The following TENM3 variants were observed in gnomAD, a reference collection of about 807,000 sequenced individuals.
The protein encoded by TENM3 is teneurin-3.
A neutral mutation model predicts 255.1 loss-of-function variants in TENM3; 63 were observed. That is an observed-to-expected ratio of 0.25 (90% CI 0.20 to 0.30). TENM3 has a LOEUF of 0.30. Ranked by LOEUF, TENM3 falls within the 10% of genes least tolerant of loss-of-function variation. The pLI, the probability that TENM3 is intolerant of heterozygous loss-of-function variation, is 1.00. For missense variants in TENM3, 2,929 were observed against 3,461.1 expected, an observed-to-expected ratio of 0.85 and a Z score of 3.86; for synonymous variants, 1,306 against 1,322.3, an observed-to-expected ratio of 0.99 and a Z score of 0.27.
chr4:182,155,585 TC>T (rs1750649482), intron 1 of TENM3, among the ~76,000 whole-genome samples: 1 of 152,190 alleles, frequency 6.6e-6, no homozygotes, highest in Non-Finnish European at 1.5e-5. Flanking sequence ...ACTTTCATAA[TC>T]TTTCATAATT....
chr4:181,505,005 G>T, the TENM3 span, among the ~76,000 whole-genome samples: 1 of 152,164 alleles, frequency 6.6e-6, no homozygotes, highest in African/African-American at 2.4e-5. Flanking sequence ...TCCACAAAAA[G>T]CATTTGGGGT....
the TENM3 span, among the ~76,000 whole-genome samples, chr4:181,682,776 C>T: frequency 2.6e-5 from 4 of 151,896 alleles, no homozygotes; most frequent in Non-Finnish European, 5.9e-5. Flanking sequence ...GCACAAATTC[C>T]AGCCAAACAT....
intron 12 of TENM3, among the ~76,000 whole-genome samples, chr4:182,690,616 G>A (rs1340414503): frequency 2.6e-5 from 4 of 152,270 alleles, no homozygotes; most frequent in Non-Finnish European, 2.9e-5. Context: ...CAACAAACAC[G>A]TGTGTATAGC....
At chr4:181,841,377 G>T in the TENM3 span, among the ~76,000 whole-genome samples, 148 of 152,164 alleles carry the variant, frequency 9.7e-4, 1 homozygote, top group African/African-American at 3.5e-3. Context: ...ATCTTGGAGA[G>T]GTAATTAAAC....
At chr4:181,756,380 T>C in the TENM3 span, among the ~76,000 whole-genome samples, 317 of 152,306 alleles carry the variant, frequency 2.1e-3, 2 homozygotes, top group African/African-American at 7.1e-3. Flanking sequence ...ATAAATCAAT[T>C]TCTTTGCTGA....
At chr4:181,793,859 T>C in the TENM3 span, among the ~76,000 whole-genome samples, 2 of 152,212 alleles carry the variant, frequency 1.3e-5, no homozygotes. Flanking sequence ...TGTTGAGTAT[T>C]TTTCAGTGTT....
At chr4:181,897,275 T>C in the TENM3 span, among the ~76,000 whole-genome samples, 1 of 152,216 alleles carries the variant, frequency 6.6e-6, no homozygotes, top group African/African-American at 2.4e-5. Flanking sequence ...TGGGTCTTAT[T>C]GGCATCTTCC....
the TENM3 span, among the ~76,000 whole-genome samples, chr4:181,780,239 T>A: frequency 6.6e-6 from 1 of 152,202 alleles, no homozygotes; most frequent in African/African-American, 2.4e-5. Context: ...TTGAACTAGT[T>A]TACAGTCCCA....
the TENM3 span, among the ~76,000 whole-genome samples, chr4:182,121,691 G>A: frequency 6.6e-6 from 1 of 152,138 alleles, no homozygotes; most frequent in Non-Finnish European, 1.5e-5. Flanking sequence ...AAGATCATTG[G>A]AGCCTTCAGC....
intron 3 of TENM3, among the ~76,000 whole-genome samples, chr4:182,552,343 A>T (rs538289544): frequency 6.6e-6 from 1 of 152,204 alleles, no homozygotes. Flanking sequence ...TGGAGTTCCA[A>T]TGATTGTCAA....
At position 182,346,783 on chromosome 4, in the gene TENM3, A is replaced by G; in HGVS notation, c.365A>G (p.Asn122Ser). The change falls in exon 3 of 28, where the codon AAT (asparagine) becomes AGT (serine). Residue 122 changes from asparagine to serine, a missense_variant. Asn to Ser is a conservative substitution (Grantham distance 46). Transcript: ENST00000511685. ...ISAGSDADTE[N>S]EAVMSPEHAM... The stretch of plus-strand genomic sequence containing the variant: ...GCAGGGTCAGATGCTGATACTGAAA[A>G]TGAAGCAGTGATGTCCCCAGAGCAT... 6.2e-7 allele frequency: 1 copy of G among 1,613,576 alleles called. No homozygotes were observed. The highest frequency in any genetic ancestry group is 8.5e-7 in the Non-Finnish European group (1 of 1,179,774).
chr4:182,697,585 C>T (rs1486553963), intron 12 of TENM3, among the ~76,000 whole-genome samples: 2 of 152,106 alleles, frequency 1.3e-5, no homozygotes, highest in African/African-American at 4.8e-5. Context: ...ATGGAAAGCC[C>T]CCTTCAGAAC....
At chr4:182,132,566 G>C in the TENM3 span, among the ~76,000 whole-genome samples, 25 of 152,230 alleles carry the variant, frequency 1.6e-4, no homozygotes, top group Non-Finnish European at 3.2e-4. Context: ...GATGAGTAAA[G>C]TTGCTTGGAA....
chr4:182,723,301 T>C (rs1759901041), intron 13 of TENM3, among the ~76,000 whole-genome samples: 2 of 152,142 alleles, frequency 1.3e-5, no homozygotes, highest in South Asian at 4.1e-4. Context: ...TATTACAGAA[T>C]GTGACTAAAA....
the TENM3 span, among the ~76,000 whole-genome samples, chr4:181,485,036 C>T: frequency 6.6e-6 from 1 of 152,054 alleles, no homozygotes; most frequent in African/African-American, 2.4e-5. Context: ...CCAAATAAAA[C>T]CACAGGTGTT....
the TENM3 span, among the ~76,000 whole-genome samples, chr4:181,923,989 C>T: frequency 5.3e-5 from 8 of 152,062 alleles, no homozygotes; most frequent in Non-Finnish European, 1.2e-4. Flanking sequence ...AAGACAGTCC[C>T]CCCTCAGTCT....
At chr4:182,484,694 A>G (rs566617864) in intron 3 of TENM3, among the ~76,000 whole-genome samples, 32 of 152,300 alleles carry the variant, frequency 2.1e-4, no homozygotes, top group Admixed American at 3.3e-4. Context: ...TGGAGTACCC[A>G]TTTCAAAATG....
At chr4:182,154,119 A>G (rs1291754267) in intron 1 of TENM3, among the ~76,000 whole-genome samples, 1 of 151,940 alleles carries the variant, frequency 6.6e-6, no homozygotes, top group Non-Finnish European at 1.5e-5. Flanking sequence ...TAAATTATTA[A>G]TGCACATTAT....
intron 1 of TENM3, among the ~76,000 whole-genome samples, chr4:182,320,364 A>G (rs1047323908): frequency 6.6e-6 from 1 of 152,152 alleles, no homozygotes. Context: ...CCAGAGAAGA[A>G]TCTGCTTCGC....
Sources: allele counts gnomAD v4.1 joint callset (sites outside exome capture counted in the v4.1 genomes callset), GRCh38; gene constraint gnomAD v4.1.1; transcripts MANE v1.5; gene names NCBI Gene and HGNC (gene_info 2026-07-23, HGNC 2026-07-21).